The following SLC23A1 variants were observed in gnomAD, a reference collection of about 807,000 sequenced individuals.
SLC23A1 encodes the protein solute carrier family 23 member 1.
SLC23A1 carries 31 observed loss-of-function variants against 62.5 expected under a neutral mutation model. That is an observed-to-expected ratio of 0.50 (90% CI 0.37 to 0.67). SLC23A1 has a LOEUF of 0.67. SLC23A1 is among the 30% of genes least tolerant of loss of function. The probability of loss-of-function intolerance (pLI) is 0.00; values close to 1 mark genes in which losing one functional copy is unlikely to be tolerated. For missense variants in SLC23A1, 640 were observed against 782.7 expected (o/e 0.82, Z 2.18); for synonymous variants, 271 against 313.2 (o/e 0.87, Z 1.42).
intron 1 of SLC23A1, 107 bp downstream of exon 1, chr5:139,383,111 A>T: frequency 1.4e-6 from 1 of 739,600 alleles, no homozygotes. Flanking sequence ...ACTCTTATCA[A>T]GTTCATCAGA....
chr5:139,377,944 G>A (rs1347248216), intron 12 of SLC23A1, 31 bp downstream of exon 12: 2 of 1,607,188 alleles, frequency 1.2e-6, no homozygotes, highest in Non-Finnish European at 8.5e-7. Context: ...GGCCCACCCC[G>A]CCTTTGGAGA....
At chr5:139,380,689 G>A in intron 4 of SLC23A1, 57 bp from the exon 5 acceptor site, 1 of 1,510,594 alleles carries the variant, frequency 6.6e-7, no homozygotes, top group South Asian at 1.1e-5. Context: ...GAGAGGGAGA[G>A]AAGATGCTGC....
rs532380600 is a variant in SLC23A1, at chr5:139,371,937, G to A, written c.*19+50C>T. 3.4e-5 allele frequency: 48 copies of A among 1,424,198 alleles called. No homozygotes were observed. In the East Asian group the frequency reaches 7.5e-4, roughly 22 times the overall value. The allele number at this position is 1,424,198 out of a possible 1,614,324, so 88.2% of individuals were successfully genotyped here. A position where few individuals can be genotyped will look rare whatever the true frequency, so the allele number is the denominator to read the frequency against. ...TGGTTTTTCTTTGGTTAAAGCATAA[G>A]AATGTTTTGATTATTCAACCCTCCC... On this transcript the variant is annotated intron_variant, in intron 14 of 14. Transcript: ENST00000348729.
At chr5:139,372,326 C>T in intron 13 of SLC23A1, 73 bp from the exon 14 acceptor site, 1 of 1,359,036 alleles carries the variant, frequency 7.4e-7, no homozygotes, top group African/African-American at 1.5e-5. Flanking sequence ...TAACCCAGTC[C>T]TAAGGCAGAC....
At chr5:139,382,113 A>G (rs1758301468) in intron 2 of SLC23A1, 64 bp from the exon 3 acceptor site, 12 of 1,499,338 alleles carry the variant, frequency 8.0e-6, no homozygotes, top group Non-Finnish European at 1.0e-5. Flanking sequence ...AGAGGGGACA[A>G]CCTAGTGTCC....
chr5:139,377,843 C>T, intron 12 of SLC23A1, 132 bp downstream of exon 12: 1 of 843,312 alleles, frequency 1.2e-6, no homozygotes, highest in South Asian at 1.7e-5. Flanking sequence ...GACCCAAGCT[C>T]TCAGCTGCTG....
chr5:139,381,432 T>C (rs1029218985), intron 3 of SLC23A1, among the ~76,000 whole-genome samples: 2 of 151,518 alleles, frequency 1.3e-5, no homozygotes, highest in Non-Finnish European at 2.9e-5. Flanking sequence ...GGTGGGCAGA[T>C]ACAAATACAA....
chr5:139,378,400 G>C lies in SLC23A1; in HGVS notation c.1180-49C>G. 1.9e-6 allele frequency: 3 copies of C among 1,542,754 alleles called. No homozygotes were observed. The highest frequency in any genetic ancestry group is 2.6e-6 in the Non-Finnish European group (3 of 1,142,554). ...CTAGACCTGGGGACGAGGCTGGGGCGGGGTTAGTTCCAGGGGCGGGGCCTG... is the reference window on the plus strand; with the variant it reads ...CTAGACCTGGGGACGAGGCTGGGGCCGGGTTAGTTCCAGGGGCGGGGCCTG... On this transcript the variant is annotated intron_variant, in intron 10 of 14. Transcript: ENST00000348729. This position sits in a 1 kb window ranked among gnomAD's most constrained non-coding sequence, Gnocchi z 4.5.
At chr5:139,380,749 T>C in intron 4 of SLC23A1, 49 bp downstream of exon 4, 1 of 1,466,342 alleles carries the variant, frequency 6.8e-7, no homozygotes, top group Non-Finnish European at 9.5e-7. Context: ...GACCTCCAGG[T>C]CTCTGGGCCT....
Position 139,380,895 on chromosome 5 carries a change from G to T in SLC23A1, c.309-9C>A. On this transcript the variant is annotated splice_polypyrimidine_tract_variant and intron_variant, in intron 3 of 14. Coordinates refer to ENST00000348729, the MANE Select transcript of SLC23A1 (RefSeq NM_005847.5). Reference sequence around the variant, plus strand: ...CCTGGAACAGCGGCAGCCTGGAGGAGAGGCACAAAGCAACAGGGGTGGGGA... The same window carrying T: ...CCTGGAACAGCGGCAGCCTGGAGGATAGGCACAAAGCAACAGGGGTGGGGA... 1.1e-6 allele frequency: 1 copy of T among 916,712 alleles called. No individual in the cohort carries two copies. Among genetic ancestry groups the T allele is most frequent in the Non-Finnish European group, 1.5e-6 (1 of 647,384 alleles). The allele number at this position is 916,712 out of a possible 1,614,324, so 56.8% of individuals were successfully genotyped here.
At position 139,377,503 on chromosome 5, in the gene SLC23A1, G is replaced by A. The variant is rs754074199; in HGVS notation, c.1454-6C>T. ...CTGATCCACTTCAAGAATGCCTGTG[G>A]AATAGGCCAAGGGCCAATGGGTGTC... On this transcript the variant is annotated splice_region_variant and splice_polypyrimidine_tract_variant and intron_variant, in intron 12 of 14. Transcript: ENST00000348729. 3.0e-5 allele frequency: 47 copies of A among 1,554,818 alleles called. No homozygotes were observed. Among genetic ancestry groups the A allele is most frequent in the Admixed American group, 1.2e-4 (7 of 59,934 alleles).
chr5:139,382,000 G>T lies in SLC23A1; in HGVS notation c.200C>A (p.Ala67Asp). The part of the protein sequence containing the change: ...SGTIAVPFLL[A>D]EALCVGHDQH... ...GTCGTGGCCCACACACAGCGCCTCA[G>T]CCAGCAGGAAGGGCACGGCGATGGT... The change falls in exon 3 of 15, where the codon GCT becomes GAT. Residue 67 changes from alanine (A) to aspartate (D), a missense_variant. Transcript: ENST00000348729. 1.9e-6 allele frequency: 3 copies of T among 1,607,938 alleles called. No homozygotes were observed. Among genetic ancestry groups the T allele is most frequent in the Non-Finnish European group, 2.5e-6 (3 of 1,177,246 alleles).
At chr5:139,372,647 C>T (rs184142957) in intron 13 of SLC23A1, among the ~76,000 whole-genome samples, 14 of 152,132 alleles carry the variant, frequency 9.2e-5, no homozygotes, top group South Asian at 2.1e-4. Context: ...TGCACTGGCA[C>T]GATCTCGGCT....
chr5:139,384,634 G>A (rs1387343813), upstream of SLC23A1: 9 of 1,233,142 alleles, frequency 7.3e-6, no homozygotes, highest in African/African-American at 1.5e-5. Context: ...GACCAAGCCC[G>A]ACCCCCTGCA....
intron 14 of SLC23A1, 130 bp downstream of exon 14, chr5:139,371,857 T>A: frequency 1.4e-6 from 1 of 740,540 alleles, no homozygotes; most frequent in African/African-American, 1.7e-5. Flanking sequence ...TTTACCCAGC[T>A]CACCTTCTCT....
At chr5:139,382,702 C>T in intron 1 of SLC23A1, 97 bp from the exon 2 acceptor site, 1 of 786,876 alleles carries the variant, frequency 1.3e-6, no homozygotes. Context: ...AGTGGCTTGT[C>T]AGCAACTGAG....
intron 6 of SLC23A1, 42 bp from the exon 7 acceptor site, chr5:139,380,118 G>T (rs1253553217): frequency 3.8e-6 from 6 of 1,584,482 alleles, no homozygotes; most frequent in Non-Finnish European, 5.1e-6. Context: ...GGGAGGCCAG[G>T]CTGGGGCCAG....
In SLC23A1 at chr5:139,380,219, G is replaced by A. The variant is rs1170324757; in HGVS notation, c.636C>T (p.Gly212=). The A allele has an allele frequency of 6.4e-7, 1 of 1,559,366 alleles. No homozygotes were observed. The highest frequency in any genetic ancestry group is 1.2e-5 in the South Asian group (1 of 84,986). Reference sequence around the variant, plus strand: ...TGGTGCCTGCTCACCAAGCTGAGATGCCCCAGTGGGAGCCAGCTCGGTCGC... The same window carrying A: ...TGGTGCCTGCTCACCAAGCTGAGATACCCCAGTGGGAGCCAGCTCGGTCGC... ...AAGDRAGSHW[G]ISACSILLII... Residue 212 remains glycine (G), a synonymous_variant, in exon 6 of 15, where the codon GGC becomes GGT. Transcript: ENST00000348729.
chr5:139,384,107 G>T (rs747035080), upstream of SLC23A1, among the ~76,000 whole-genome samples: 16 of 152,234 alleles, frequency 1.1e-4, no homozygotes, highest in Non-Finnish European at 2.1e-4. Context: ...TAGATGGAGC[G>T]TGGGGCCTTT....
Sources: gnomAD v4.1 joint callset for allele counts (sites outside exome capture counted in the v4.1 genomes callset) on GRCh38, gnomAD v4.1.1 for gene constraint, Gnocchi (gnomAD v3.1) non-coding constraint, MANE v1.5 for transcripts, NCBI Gene and HGNC (gene_info 2026-07-23, HGNC 2026-07-21) for gene names.